Variants in URGCP observed in about 807,000 individuals in gnomAD.
URGCP encodes up-regulator of cell proliferation.
Under a neutral mutation model 24.6 loss-of-function variants are expected in URGCP, and 13 were observed. The observed-to-expected ratio is 0.53, with a 90% confidence interval of 0.34 to 0.84. The LOEUF is 0.84. Ranked by LOEUF, URGCP falls within the 40% of genes least tolerant of loss-of-function variation. The probability of loss-of-function intolerance (pLI) is 0.01; values close to 1 mark genes in which losing one functional copy is unlikely to be tolerated. For missense variants in URGCP, 899 were observed against 1,194.3 expected, an observed-to-expected ratio of 0.75 and a Z score of 3.64; for synonymous variants, 444 against 487.2, an observed-to-expected ratio of 0.91 and a Z score of 1.17.
rs569015724 is a variant in URGCP at position 43,916,075 on chromosome 7, C to T, written c.-116+10057G>A. On this transcript the variant is annotated intron_variant, in intron 1 of 5. Coordinates refer to the URGCP transcript ENST00000426198. ...GCATAAGAATAAAAGGTTTGTTCTC[C>T]GGGCATCTTTTTCTTTTCTCCATCC... 3.5e-4 allele frequency among the ~76,000 whole-genome samples: 54 copies of T among 152,282 alleles called. No individual in the cohort carries two copies. The Middle Eastern group carries it at 0.01, about 29-fold the overall frequency.
chr7:43,878,965 G>A lies in URGCP; in HGVS notation c.498C>T (p.Ala166=), dbSNP rs200196077. The A allele has an allele frequency of 1.1e-3, 1,793 of 1,614,180 alleles. 5 individuals are homozygous for A. The highest frequency in any genetic ancestry group is 1.2e-3 in the Non-Finnish European group (1,389 of 1,180,028). ...GCAGCTCAGAAAAGGAATAAATGTC[G>A]GCAGCAAGGTCATCAGCTGGGTCCC... The part of the protein sequence containing the change: ...IYWDPADDLA[A]DIYSFSELPT... Residue 166 remains alanine, a synonymous_variant, in exon 6 of 6, where the codon GCC becomes GCT. Transcript: ENST00000453200. This position sits in a 1 kb window ranked among gnomAD's most constrained non-coding sequence, Gnocchi z 5.6.
chr7:43,892,789 G>C (rs1373948223), intron 1 of URGCP, among the ~76,000 whole-genome samples: 1 of 152,142 alleles, frequency 6.6e-6, no homozygotes, highest in Non-Finnish European at 1.5e-5. Flanking sequence ...CCCACCTCTA[G>C]AGAGTGACCA....
rs2095848145 is a variant in URGCP, at chr7:43,878,122, A to T, written c.1341T>A (p.Ser447=). 1 of 1,614,090 alleles carries T rather than the reference A, an allele frequency of 6.2e-7. No individual in the cohort carries two copies. Among genetic ancestry groups the T allele is most frequent in the South Asian group, 1.1e-5 (1 of 91,088 alleles). The change falls in exon 6 of 6, where the codon TCT becomes TCA. Residue 447 remains serine (S), a synonymous_variant. Coordinates refer to ENST00000453200, the MANE Select transcript of URGCP (RefSeq NM_001077663.3). The surrounding 1 kb of genome is among the most constrained non-coding windows in gnomAD (Gnocchi z 5.6). ...NVLRAPCRRV[S]VEDMAHAARK... ...GGGCTGCGTGCGCCATGTCCTCCAC[A>T]GATACCCGCCTGCAGGGTGCCCGCA...
At chr7:43,906,721 G>T, upstream of URGCP, 1 of 617,098 alleles carries the variant, frequency 1.6e-6, no homozygotes, top group Non-Finnish European at 2.1e-6. Flanking sequence ...GGGTAAGGTG[G>T]GCCCGGGGTC....
At chr7:43,891,600 T>C (rs2095870759) in intron 1 of URGCP, among the ~76,000 whole-genome samples, 1 of 152,118 alleles carries the variant, frequency 6.6e-6, no homozygotes. Flanking sequence ...CATAGCTCTC[T>C]CCAGAAAACA....
At chr7:43,924,103 C>G (rs924337522) in intron 1 of URGCP, among the ~76,000 whole-genome samples, 4 of 152,172 alleles carry the variant, frequency 2.6e-5, no homozygotes, top group Non-Finnish European at 2.9e-5. Flanking sequence ...CTCCTGGCCT[C>G]AAGCAATCCA....
Position 43,878,179 on chromosome 7 carries a change from C to A in URGCP, c.1284G>T (p.Val428=). 6.2e-7 allele frequency: 1 copy of A among 1,614,258 alleles called. No individual in the cohort carries two copies. The highest frequency in any genetic ancestry group is 8.5e-7 in the Non-Finnish European group (1 of 1,180,050). ...KVSSTDSDSF[V]KRIRAIVGNV... Reference sequence around the variant, plus strand: ...TCCCAACGATGGCCCGGATCCTCTTCACGAAGCTGTCGCTGTCAGTGCTGC... The same window carrying A: ...TCCCAACGATGGCCCGGATCCTCTTAACGAAGCTGTCGCTGTCAGTGCTGC... Residue 428 remains valine (V), a synonymous_variant, in exon 6 of 6, where the codon GTG becomes GTT. Coordinates refer to ENST00000453200, the MANE Select transcript of URGCP (RefSeq NM_001077663.3). This position sits in a 1 kb window ranked among gnomAD's most constrained non-coding sequence, Gnocchi z 5.6.
chr7:43,914,647 G>A (rs969993670), intron 1 of URGCP, among the ~76,000 whole-genome samples: 1 of 152,192 alleles, frequency 6.6e-6, no homozygotes, highest in Non-Finnish European at 1.5e-5. Context: ...CTACTGGACT[G>A]CATCCCCAGA....
chr7:43,910,812 C>T (rs984831342), upstream of URGCP: 2 of 151,990 alleles, frequency 1.3e-5, no homozygotes, highest in Non-Finnish European at 2.9e-5. Context: ...GCCAAGATTT[C>T]ACCACTGCAC....
In URGCP at chr7:43,883,734, C is replaced by T. The variant is rs149709742; in HGVS notation, c.113-1777G>A. ...CAGATTTATGTTTTCTCATGATTTC[C>T]ATGTAATCAGGTAGATAAACCTAAC... On this transcript the variant is annotated intron_variant, in intron 3 of 5. Coordinates refer to ENST00000453200, the MANE Select transcript of URGCP (RefSeq NM_001077663.3). Among the ~76,000 whole-genome samples the T allele has an allele frequency of 1.3e-3, 199 of 152,202 alleles. 1 individual carries two copies. Among genetic ancestry groups the T allele is most frequent in the African/African-American group, 4.6e-3 (193 of 41,524 alleles).
rs1471774015 is a variant in URGCP at position 43,900,230 on chromosome 7, G to A, written c.14+6332C>T. On this transcript the variant is annotated intron_variant, in intron 1 of 5. Coordinates refer to ENST00000453200, the MANE Select transcript of URGCP (RefSeq NM_001077663.3). ...GCACCTTGGGGAGGCCAAGGCAGGCGGATCGCTTAAGGTCAGCGGTTCGAG... is the reference window on the plus strand; with the variant it reads ...GCACCTTGGGGAGGCCAAGGCAGGCAGATCGCTTAAGGTCAGCGGTTCGAG... 5.9e-5 allele frequency among the ~76,000 whole-genome samples: 9 copies of A among 151,610 alleles called. No homozygotes were observed. In the South Asian group the frequency reaches 8.3e-4, roughly 14 times the overall value.
At chr7:43,886,234 T>G (rs912202819) in intron 3 of URGCP, among the ~76,000 whole-genome samples, 1 of 152,232 alleles carries the variant, frequency 6.6e-6, no homozygotes, top group African/African-American at 2.4e-5. Flanking sequence ...GCGAACCTCT[T>G]GCCTTGGCCT....
chr7:43,877,204 G>C lies in URGCP; in HGVS notation c.2259C>G (p.Ser753=). 1.2e-6 allele frequency: 2 copies of C among 1,614,046 alleles called. No individual in the cohort carries two copies. The highest frequency in any genetic ancestry group is 1.7e-6 in the Non-Finnish European group (2 of 1,180,008). The change falls in exon 6 of 6, where the codon TCC becomes TCG. Residue 753 remains serine, a synonymous_variant. Transcript: ENST00000453200. The part of the protein sequence containing the change: ...LGCDHILVID[S]GGLIGGALTS... Reference sequence around the variant, plus strand: ...TCAAGGCCCCACCTATCAAGCCCCCGGAGTCTATCACCAGGATGTGGTCAC... The same window carrying C: ...TCAAGGCCCCACCTATCAAGCCCCCCGAGTCTATCACCAGGATGTGGTCAC...
chr7:43,919,011 A>G (rs1413281059), intron 1 of URGCP: 1 of 1,188,996 alleles, frequency 8.4e-7, no homozygotes, highest in Non-Finnish European at 1.3e-6. Flanking sequence ...CAACTGGGCC[A>G]GCAGATTCTC....
intron 1 of URGCP, chr7:43,919,176 T>A (rs1364233353): frequency 6.8e-6 from 6 of 886,066 alleles, no homozygotes; most frequent in Admixed American, 1.7e-5. Flanking sequence ...GAATGACAGG[T>A]ATCCTAAGAA....
intron 5 of URGCP, 144 bp from the exon 6 acceptor site, chr7:43,879,404 GTGTGCTCAAGGC>G: frequency 1.0e-6 from 1 of 977,376 alleles, no homozygotes; most frequent in Non-Finnish European, 1.5e-6. Flanking sequence ...GAGGCTCAGG[GTGTGCTCAAGGC>G]TGACCTGAGA....
intron 1 of URGCP, among the ~76,000 whole-genome samples, chr7:43,925,002 C>G (rs543390807): frequency 6.6e-6 from 1 of 152,210 alleles, no homozygotes; most frequent in African/African-American, 2.4e-5. Flanking sequence ...AAGGGATCCA[C>G]CCACCTCAAC....
At chr7:43,924,784 T>A (rs1199519342) in intron 1 of URGCP, among the ~76,000 whole-genome samples, 5 of 151,628 alleles carry the variant, frequency 3.3e-5, no homozygotes, top group Admixed American at 6.6e-5. Context: ...GAGTTTTTGT[T>A]TTTTTGAGAC....
intron 1 of URGCP, among the ~76,000 whole-genome samples, chr7:43,918,262 CAAAAAAA>C (rs757829729): frequency 1.8e-5 from 1 of 55,232 alleles, no homozygotes; most frequent in African/African-American, 6.0e-5. Flanking sequence ...CAATAGACCT[CAAAAAAA>C]AAAAAAAAAA....
Sources: allele counts gnomAD v4.1 joint callset (sites outside exome capture counted in the v4.1 genomes callset), GRCh38; gene constraint gnomAD v4.1.1; non-coding constraint Gnocchi (gnomAD v3.1); transcripts MANE v1.5; gene names NCBI Gene and HGNC (gene_info 2026-07-23, HGNC 2026-07-21).